The following CACNG4 variants were observed in gnomAD, a reference collection of about 807,000 sequenced individuals.
CACNG4 encodes calcium voltage-gated channel auxiliary subunit gamma 4, also known as voltage-dependent calcium channel gamma-4 subunit.
A neutral mutation model predicts 22.9 loss-of-function variants in CACNG4; 8 were observed. That is an observed-to-expected ratio of 0.35 (90% CI 0.21 to 0.63). The LOEUF is 0.63. Ranked by LOEUF, CACNG4 falls within the 30% of genes least tolerant of loss-of-function variation. The probability of loss-of-function intolerance (pLI) is 0.72; values close to 1 mark genes in which losing one functional copy is unlikely to be tolerated. For missense variants in CACNG4, 357 were observed against 455.4 expected (o/e 0.78, Z 1.97); for synonymous variants, 188 against 191.9 (o/e 0.98, Z 0.17).
intron 1 of CACNG4, among the ~76,000 whole-genome samples, chr17:67,010,206 T>C (rs2035460877): frequency 6.6e-6 from 1 of 152,210 alleles, no homozygotes. Context: ...CTACTCGCTG[T>C]CCCAGTGGTG....
chr17:67,007,413 T>C (rs2035444211), intron 1 of CACNG4, among the ~76,000 whole-genome samples: 1 of 152,132 alleles, frequency 6.6e-6, no homozygotes, highest in African/African-American at 2.4e-5. Flanking sequence ...CTCCGAGAAA[T>C]GAGGAGTTGA....
chr17:66,996,545 A>G (rs960306593), intron 1 of CACNG4, among the ~76,000 whole-genome samples: 7 of 151,934 alleles, frequency 4.6e-5, no homozygotes, highest in Admixed American at 3.9e-4. Flanking sequence ...ACGCTCAGCC[A>G]ATTTTTGTAT....
At chr17:67,029,508 C>T (rs1255715113) in intron 3 of CACNG4, among the ~76,000 whole-genome samples, 5 of 151,774 alleles carry the variant, frequency 3.3e-5, no homozygotes, top group African/African-American at 4.8e-5. Context: ...GTGGCGGGCG[C>T]CTGTAATCCC....
chr17:67,012,642 T>C (rs1283623777), intron 1 of CACNG4, among the ~76,000 whole-genome samples: 1 of 152,058 alleles, frequency 6.6e-6, no homozygotes, highest in Non-Finnish European at 1.5e-5. Context: ...CCCAGGGTGG[T>C]TAATCCCTCA....
intron 1 of CACNG4, among the ~76,000 whole-genome samples, 185 bp downstream of exon 1, chr17:66,965,316 G>C (rs2035162739): frequency 1.3e-5 from 2 of 150,846 alleles, no homozygotes; most frequent in South Asian, 4.2e-4. Context: ...CTGGCGGGCG[G>C]GTCCCTTCGC....
intron 1 of CACNG4, among the ~76,000 whole-genome samples, chr17:66,978,709 G>A (rs941458394): frequency 6.6e-6 from 1 of 152,212 alleles, no homozygotes; most frequent in Admixed American, 6.5e-5. Flanking sequence ...TCCCCAGGGC[G>A]AGCACGCTGT....
At chr17:67,008,252 C>T (rs960656148) in intron 1 of CACNG4, among the ~76,000 whole-genome samples, 1 of 152,204 alleles carries the variant, frequency 6.6e-6, no homozygotes, top group African/African-American at 2.4e-5. Flanking sequence ...CCCAGACTGC[C>T]TCTCCACGCC....
intron 1 of CACNG4, among the ~76,000 whole-genome samples, chr17:66,991,485 G>A (rs538781650): frequency 1.8e-4 from 28 of 152,282 alleles, no homozygotes; most frequent in African/African-American, 6.3e-4. Flanking sequence ...TATGCAGGTC[G>A]GTGGCAGATG....
At chr17:66,976,452 CCCT>C (rs369942123) in intron 1 of CACNG4, among the ~76,000 whole-genome samples, 204 of 149,408 alleles carry the variant, frequency 1.4e-3, no homozygotes, top group Middle Eastern at 3.4e-3. Flanking sequence ...CCACCCTCCT[CCCT>C]CCAACTTCCC....
In CACNG4 at chr17:67,027,911, T is replaced by C. The variant is rs978769311; in HGVS notation, c.446-2555T>C. Reference sequence around the variant, plus strand: ...GGCAGGTGCCTGTAATCCCAGCTACTTGGGAGTCTGAGGCACGAGAATCAC... The same window carrying C: ...GGCAGGTGCCTGTAATCCCAGCTACCTGGGAGTCTGAGGCACGAGAATCAC... On this transcript the variant is annotated intron_variant, in intron 3 of 3. Coordinates refer to ENST00000262138, the MANE Select transcript of CACNG4 (RefSeq NM_014405.4). This position sits in a 1 kb window ranked among gnomAD's most constrained non-coding sequence, Gnocchi z 4.3. 1.3e-5 allele frequency among the ~76,000 whole-genome samples: 2 copies of C among 152,036 alleles called. No homozygotes were observed. Among genetic ancestry groups the C allele is most frequent in the African/African-American group, 4.8e-5 (2 of 41,374 alleles).
At chr17:66,985,675 C>T (rs550289754) in intron 1 of CACNG4, among the ~76,000 whole-genome samples, 37 of 152,324 alleles carry the variant, frequency 2.4e-4, no homozygotes, top group African/African-American at 8.2e-4. Flanking sequence ...ATTCATCCAG[C>T]AGACATTTTA....
At position 66,964,834 on chromosome 17, in the gene CACNG4, G is replaced by C; in HGVS notation, c.-78G>C. On this transcript the variant is annotated 5_prime_UTR_variant, in exon 1 of 4. Coordinates refer to ENST00000262138, the MANE Select transcript of CACNG4 (RefSeq NM_014405.4). The stretch of plus-strand genomic sequence containing the variant: ...TCGGCCCCCCAACCCCGGCGCCCCC[G>C]GAGCGGCGCGCGGAGGGAGGAGGGC... 12 of 759,874 alleles carry C rather than the reference G, an allele frequency of 1.6e-5. No individual in the cohort carries two copies. The highest frequency in any genetic ancestry group is 2.0e-5 in the Non-Finnish European group (12 of 606,724). 47.1% of individuals were successfully genotyped at this position (759,874 alleles called of 1,614,324 possible). A position where few individuals can be genotyped will look rare whatever the true frequency, so the allele number is the denominator to read the frequency against.
chr17:67,020,759 C>A (rs1033907905), intron 2 of CACNG4, among the ~76,000 whole-genome samples: 2 of 152,310 alleles, frequency 1.3e-5, no homozygotes, highest in Non-Finnish European at 2.9e-5. Flanking sequence ...GCATGTGTTT[C>A]CAGGGCCACC....
intron 1 of CACNG4, among the ~76,000 whole-genome samples, chr17:66,967,184 T>G (rs2035175995): frequency 6.6e-6 from 1 of 152,238 alleles, no homozygotes; most frequent in Admixed American, 6.5e-5. Context: ...GCCAGCTGCC[T>G]CGAGCCATTT....
In CACNG4 at chr17:67,032,228, C is replaced by T. The variant is rs935025892; in HGVS notation, c.*1224C>T. The T allele has an allele frequency of 6.1e-5, 21 of 346,908 alleles. No homozygotes were observed. The East Asian group carries it at 6.8e-4, about 11-fold the overall frequency. The allele number at this position is 346,908 out of a possible 1,614,324, so 21.5% of individuals were successfully genotyped here. On this transcript the variant is annotated 3_prime_UTR_variant, in exon 4 of 4. Transcript: ENST00000262138. Reference sequence around the variant, plus strand: ...AGAGGGGAGATCTCAGCACTTTGTCCGGAGCTGAGGAAGTGGTTTCTGTGT... The same window carrying T: ...AGAGGGGAGATCTCAGCACTTTGTCTGGAGCTGAGGAAGTGGTTTCTGTGT...
intron 1 of CACNG4, among the ~76,000 whole-genome samples, chr17:67,008,605 C>T (rs912650605): frequency 6.6e-6 from 1 of 152,090 alleles, no homozygotes; most frequent in Non-Finnish European, 1.5e-5. Context: ...CCCATCCCCA[C>T]CGAAAATTCT....
At chr17:66,999,075 A>T (rs1321293198) in intron 1 of CACNG4, among the ~76,000 whole-genome samples, 1 of 152,194 alleles carries the variant, frequency 6.6e-6, no homozygotes, top group Non-Finnish European at 1.5e-5. Context: ...CCAGCCCTGC[A>T]CTAGATGGGC....
chr17:66,993,212 G>A (rs1210548634), intron 1 of CACNG4, among the ~76,000 whole-genome samples: 1 of 152,238 alleles, frequency 6.6e-6, no homozygotes, highest in Non-Finnish European at 1.5e-5. Flanking sequence ...ACCATTTCGG[G>A]GCTTGGCATT....
chr17:67,023,508 C>T (rs1332997791), intron 2 of CACNG4, among the ~76,000 whole-genome samples: 2 of 151,594 alleles, frequency 1.3e-5, no homozygotes, highest in African/African-American at 4.8e-5. Context: ...ATCTCCTGAC[C>T]TCGTGATCCA....
Sources: allele counts gnomAD v4.1 joint callset (sites outside exome capture counted in the v4.1 genomes callset), GRCh38; gene constraint gnomAD v4.1.1; non-coding constraint Gnocchi (gnomAD v3.1); transcripts MANE v1.5; gene names NCBI Gene and HGNC (gene_info 2026-07-23, HGNC 2026-07-21).